The following TPST1 variants were observed in gnomAD, a reference collection of about 807,000 sequenced individuals.
TPST1 encodes tyrosylprotein sulfotransferase 1, also known as protein-tyrosine sulfotransferase 1.
In TPST1, 20 loss-of-function variants were observed where a neutral mutation model predicts 34.8. The ratio of observed to expected loss-of-function variants is 0.57; its 90% CI spans 0.40 to 0.84. The LOEUF (loss-of-function observed/expected upper bound fraction) is 0.84, where lower values mean the gene tolerates loss of function less well. Ranked by LOEUF, TPST1 falls within the 40% of genes least tolerant of loss-of-function variation. The probability of loss-of-function intolerance (pLI) is 0.00; values close to 1 mark genes in which losing one functional copy is unlikely to be tolerated. For missense variants in TPST1, 353 were observed against 455.5 expected (o/e 0.78, Z 2.05); for synonymous variants, 152 against 159.4 (o/e 0.95, Z 0.35).
chr7:66,353,474 T>TA (rs978634071), intron 4 of TPST1, among the ~76,000 whole-genome samples: 8 of 151,814 alleles, frequency 5.3e-5, no homozygotes, highest in East Asian at 1.9e-4. Flanking sequence ...GTCTCAAAAA[T>TA]AAAAAAAATT....
chr7:66,249,753 A>G (rs1444433671), intron 2 of TPST1, among the ~76,000 whole-genome samples: 3 of 152,310 alleles, frequency 2.0e-5, no homozygotes, highest in South Asian at 4.1e-4. Flanking sequence ...TGTAGCTACA[A>G]TTATTGCCAC....
At chr7:66,310,722 C>T (rs1010865563) in intron 3 of TPST1, among the ~76,000 whole-genome samples, 1 of 152,154 alleles carries the variant, frequency 6.6e-6, no homozygotes, top group Non-Finnish European at 1.5e-5. Flanking sequence ...AATATTCCAA[C>T]TAATACCATA....
intron 3 of TPST1, among the ~76,000 whole-genome samples, chr7:66,320,630 C>T (rs1228450378): frequency 6.7e-6 from 1 of 150,122 alleles, no homozygotes; most frequent in Non-Finnish European, 1.5e-5. Context: ...TGGAATTTCA[C>T]TCTTGTTGCC....
At chr7:66,274,229 G>A (rs1790761571) in intron 2 of TPST1, among the ~76,000 whole-genome samples, 1 of 151,914 alleles carries the variant, frequency 6.6e-6, no homozygotes, top group Admixed American at 6.6e-5. Flanking sequence ...TTAGTCAGGT[G>A]TGGTGGTGGG....
chr7:66,241,395 A>C, intron 2 of TPST1, 125 bp downstream of exon 2: 1 of 1,170,236 alleles, frequency 8.5e-7, no homozygotes, highest in Non-Finnish European at 1.1e-6. Flanking sequence ...GAAACTGAAG[A>C]CCTTTTCTGG....
chr7:66,199,121 C>T, the TPST1 span, among the ~76,000 whole-genome samples: 3 of 152,106 alleles, frequency 2.0e-5, no homozygotes, highest in African/African-American at 7.2e-5. Flanking sequence ...CCCAAGTGTC[C>T]TCCTGTTCTC....
chr7:66,275,976 T>G (rs1476945163), intron 2 of TPST1, among the ~76,000 whole-genome samples: 1 of 152,036 alleles, frequency 6.6e-6, no homozygotes, highest in Non-Finnish European at 1.5e-5. Context: ...ATATTCAGTT[T>G]TCATCAGTTT....
chr7:66,267,526 A>C (rs772488712), intron 2 of TPST1, among the ~76,000 whole-genome samples: 4 of 152,214 alleles, frequency 2.6e-5, no homozygotes, highest in Non-Finnish European at 5.9e-5. Context: ...AGAGAATAAA[A>C]CAACCAGAGA....
intron 1 of TPST1, among the ~76,000 whole-genome samples, chr7:66,227,424 A>T (rs983142103): frequency 2.7e-4 from 41 of 152,094 alleles, no homozygotes; most frequent in African/African-American, 6.0e-4. Flanking sequence ...TTAATTAATT[A>T]ATTTAGTTAG....
At chr7:66,352,979 T>C (rs1792512250) in intron 4 of TPST1, 2 of 984,318 alleles carry the variant, frequency 2.0e-6, no homozygotes, top group African/African-American at 1.8e-5. Context: ...AGATGACTTA[T>C]ATATACACAT....
At chr7:66,283,884 G>A (rs1434348492) in intron 2 of TPST1, among the ~76,000 whole-genome samples, 1 of 152,182 alleles carries the variant, frequency 6.6e-6, no homozygotes, top group Non-Finnish European at 1.5e-5. Flanking sequence ...TTGAGAGGTA[G>A]GCCATGGCCT....
chr7:66,201,381 C>CAAAAA (rs138553925), upstream of TPST1, among the ~76,000 whole-genome samples: 3 of 73,522 alleles, frequency 4.1e-5, no homozygotes, highest in Non-Finnish European at 8.5e-5. Flanking sequence ...CCATCTCTAC[C>CAAAAA]AAAAAAAAAA....
intron 1 of TPST1, among the ~76,000 whole-genome samples, chr7:66,233,251 T>C (rs1011293336): frequency 1.3e-5 from 2 of 152,218 alleles, no homozygotes; most frequent in Admixed American, 6.5e-5. Context: ...TTTGTACTTT[T>C]GGTGTTGCGT....
At chr7:66,346,020 A>G (rs1792345542) in intron 3 of TPST1, among the ~76,000 whole-genome samples, 1 of 142,740 alleles carries the variant, frequency 7.0e-6, no homozygotes, top group African/African-American at 2.6e-5. Flanking sequence ...TCTACTCTCT[A>G]TTTCCATGAG....
At chr7:66,309,047 G>A (rs772361722) in intron 3 of TPST1, among the ~76,000 whole-genome samples, 1 of 152,084 alleles carries the variant, frequency 6.6e-6, no homozygotes, top group Admixed American at 6.5e-5. Context: ...ACAGGTGCCC[G>A]ACACCATGCC....
rs775233749 is a variant in TPST1, at chr7:66,215,652, C to T, written c.-102+10130C>T. 3.0e-4 allele frequency among the ~76,000 whole-genome samples: 45 copies of T among 151,212 alleles called. 1 individual carries two copies. The highest frequency in any genetic ancestry group is 5.3e-4 in the Non-Finnish European group (36 of 67,842). ...GCCTCCAAAGTGCTGGGATTACAGG[C>T]GTGAGCCACCGCGCCCAGCCTCCTA... is the stretch of plus-strand genomic sequence containing the variant. On this transcript the variant is annotated intron_variant, in intron 1 of 5. Coordinates refer to ENST00000304842, the MANE Select transcript of TPST1 (RefSeq NM_003596.4).
chr7:66,209,544 T>C (rs1225491047), intron 1 of TPST1, among the ~76,000 whole-genome samples: 1 of 152,236 alleles, frequency 6.6e-6, no homozygotes, highest in Non-Finnish European at 1.5e-5. Context: ...AAATCACCTC[T>C]ATTACCTGAA....
chr7:66,201,219 TA>T (rs1283620912), upstream of TPST1, among the ~76,000 whole-genome samples: 1 of 151,760 alleles, frequency 6.6e-6, no homozygotes, highest in Non-Finnish European at 1.5e-5. Context: ...AGTTTTCCTT[TA>T]AAAAAAAGTT....
In TPST1 at chr7:66,240,711, C is replaced by G. The variant is rs1057463618; in HGVS notation, c.286C>G (p.Arg96Gly). 1 of 1,614,184 alleles carries G rather than the reference C, an allele frequency of 6.2e-7. No homozygotes were observed. The highest frequency in any genetic ancestry group is 1.1e-5 in the South Asian group (1 of 91,078). The change falls in exon 2 of 6, where the codon CGC becomes GGC. Residue 96 changes from arginine to glycine, a missense_variant. Coordinates refer to ENST00000304842, the MANE Select transcript of TPST1 (RefSeq NM_003596.4). ...RAMLDAHPDI[R>G]CGEETRVIPR... ...CATGCTGGACGCACATCCTGACATT[C>G]GCTGTGGAGAGGAAACCAGGGTCAT... is the stretch of plus-strand genomic sequence containing the variant.
Sources: gnomAD v4.1 joint callset for allele counts (sites outside exome capture counted in the v4.1 genomes callset) on GRCh38, gnomAD v4.1.1 for gene constraint, MANE v1.5 for transcripts, NCBI Gene and HGNC (gene_info 2026-07-23, HGNC 2026-07-21) for gene names.